SLC38A4: variants seen among roughly 807,000 people sequenced by gnomAD.
SLC38A4 encodes the protein sodium-coupled neutral amino acid transporter 4.
In SLC38A4, 20 loss-of-function variants were observed where a neutral mutation model predicts 63.1. The observed-to-expected ratio is 0.32, with a 90% CI of 0.22 to 0.46. The LOEUF (loss-of-function observed/expected upper bound fraction) is 0.46, where lower values mean the gene tolerates loss of function less well. Among genes scored for constraint, SLC38A4 ranks in the 20% least tolerant of loss-of-function variants. The probability of loss-of-function intolerance (pLI) is 1.00; values close to 1 mark genes in which losing one functional copy is unlikely to be tolerated. For missense variants in SLC38A4, 526 were observed against 663.6 expected, an observed-to-expected ratio of 0.79 and a Z score of 2.28; for synonymous variants, 230 against 225.5, an observed-to-expected ratio of 1.02 and a Z score of -0.18.
At chr12:46,825,394 T>G (rs1053483334) in intron 1 of SLC38A4, among the ~76,000 whole-genome samples, 2 of 151,776 alleles carry the variant, frequency 1.3e-5, no homozygotes, top group Non-Finnish European at 2.9e-5. Context: ...ATGCCAAAAA[T>G]GTGTCAGATA....
chr12:46,774,701 A>T (rs1938488283), intron 14 of SLC38A4, among the ~76,000 whole-genome samples: 1 of 152,048 alleles, frequency 6.6e-6, no homozygotes, highest in South Asian at 2.1e-4. Flanking sequence ...ATTTAATAAG[A>T]TTTGAAAGTT....
chr12:46,815,450 GCA>G (rs1939425423), intron 1 of SLC38A4, among the ~76,000 whole-genome samples: 1 of 150,284 alleles, frequency 6.7e-6, no homozygotes, highest in African/African-American at 2.4e-5. Flanking sequence ...TTTTATTTTT[GCA>G]CAGAGCAGTA....
chr12:46,782,670 T>C (rs1938667043), intron 7 of SLC38A4, among the ~76,000 whole-genome samples: 1 of 151,560 alleles, frequency 6.6e-6, no homozygotes, highest in African/African-American at 2.4e-5. Flanking sequence ...TCCAGAGACA[T>C]GGATATGGAA....
At chr12:46,811,840 A>T (rs1397708452) in intron 1 of SLC38A4, among the ~76,000 whole-genome samples, 1 of 151,718 alleles carries the variant, frequency 6.6e-6, no homozygotes, top group African/African-American at 2.4e-5. Flanking sequence ...GCTTAGGTTC[A>T]TGAAGTATTT....
chr12:46,809,644 A>G (rs1211825877), intron 1 of SLC38A4, among the ~76,000 whole-genome samples: 1 of 152,086 alleles, frequency 6.6e-6, no homozygotes, highest in Non-Finnish European at 1.5e-5. Context: ...TTAGTTAGGA[A>G]TTATAATTCT....
chr12:46,787,597 G>A (rs1938790434), intron 5 of SLC38A4, among the ~76,000 whole-genome samples: 1 of 152,146 alleles, frequency 6.6e-6, no homozygotes, highest in Non-Finnish European at 1.5e-5. Flanking sequence ...AGGGCTCTTA[G>A]GCTTGGTTGC....
Position 46,778,698 on chromosome 12 carries a change from T to A in SLC38A4, c.796A>T (p.Thr266Ser). The A allele has an allele frequency of 6.2e-7, 1 of 1,612,906 alleles. No individual in the cohort carries two copies. Among genetic ancestry groups the A allele is most frequent in the Non-Finnish European group, 8.5e-7 (1 of 1,179,330 alleles). Reference protein sequence around the residue: ...HSVGNLSFNNTLPMHVVMLPN... With the variant: ...HSVGNLSFNNSLPMHVVMLPN... ...AACATTACCACATGCATTGGAAGCG[T>A]GTTGTTGAATGACAGATTTCCAACA... Residue 266 changes from threonine (T) to serine (S), a missense_variant, in exon 11 of 17, where the codon ACG becomes TCG. By Grantham distance (58) the Thr-to-Ser change is moderately conservative. Transcript: ENST00000266579.
At chr12:46,810,911 A>G (rs1164233807) in intron 1 of SLC38A4, among the ~76,000 whole-genome samples, 1 of 152,084 alleles carries the variant, frequency 6.6e-6, no homozygotes, top group Non-Finnish European at 1.5e-5. Context: ...ATGGGCATTT[A>G]TGAGCTATTT....
chr12:46,799,773 A>T (rs556394177), intron 2 of SLC38A4, among the ~76,000 whole-genome samples: 3 of 152,264 alleles, frequency 2.0e-5, no homozygotes, highest in East Asian at 3.9e-4. Context: ...ATTCTGAATC[A>T]TCTGTCTACA....
intron 1 of SLC38A4, among the ~76,000 whole-genome samples, chr12:46,832,099 C>G (rs751286249): frequency 3.3e-5 from 5 of 152,058 alleles, no homozygotes; most frequent in African/African-American, 9.7e-5. Flanking sequence ...CCTGCAATAA[C>G]CCACCCAAAG....
chr12:46,812,354 C>CTGTT (rs1477260316), intron 1 of SLC38A4, among the ~76,000 whole-genome samples: 1 of 152,010 alleles, frequency 6.6e-6, no homozygotes, highest in African/African-American at 2.4e-5. Flanking sequence ...AGGAGCTTCA[C>CTGTT]TGTTTTTGTC....
In SLC38A4 at chr12:46,825,803, T is replaced by A. The variant is rs533454903; in HGVS notation, c.-305+100A>T. 3.9e-5 allele frequency: 6 copies of A among 152,374 alleles called. No homozygotes were observed. The East Asian group carries it at 1.2e-3, about 29-fold the overall frequency. The allele number at this position is 152,374 out of a possible 1,614,324, so 9.4% of individuals were successfully genotyped here. On this transcript the variant is annotated intron_variant, in intron 1 of 16. Coordinates refer to ENST00000266579, the MANE Select transcript of SLC38A4 (RefSeq NM_018018.5). ...CCCTCCCACCCACCTCGTTTTTCAG[T>A]GCTTTGCAGTATGTCTTTTTCTCTT...
intron 1 of SLC38A4, among the ~76,000 whole-genome samples, 151 bp downstream of exon 1, chr12:46,825,752 T>G (rs771215899): frequency 2.0e-5 from 3 of 152,240 alleles, no homozygotes; most frequent in Non-Finnish European, 4.4e-5. Context: ...AAGCAAGGAC[T>G]GCCACAGCCT....
intron 1 of SLC38A4, among the ~76,000 whole-genome samples, chr12:46,824,565 T>C (rs755371563): frequency 6.6e-6 from 1 of 152,162 alleles, no homozygotes; most frequent in Non-Finnish European, 1.5e-5. Context: ...GAATGCTACT[T>C]AGCATGAAAA....
At chr12:46,815,284 T>TACACACAC (rs369027203) in intron 1 of SLC38A4, among the ~76,000 whole-genome samples, 43 of 82,946 alleles carry the variant, frequency 5.2e-4, no homozygotes, top group African/African-American at 8.0e-4. Flanking sequence ...TATATATATA[T>TACACACAC]ACACACACAC....
intron 14 of SLC38A4, among the ~76,000 whole-genome samples, chr12:46,772,169 G>C (rs17097220): frequency 0.047 from 7,051 of 150,530 alleles, 388 homozygotes; most frequent in East Asian, 0.3. Flanking sequence ...TTGTTTAGAC[G>C]TAGCTCACAC....
At position 46,820,791 on chromosome 12, in the gene SLC38A4, C is replaced by A. The variant is rs574405045; in HGVS notation, c.-305+5112G>T. 6.6e-5 allele frequency among the ~76,000 whole-genome samples: 10 copies of A among 152,074 alleles called. No homozygotes were observed. In the South Asian group the frequency reaches 1.9e-3, roughly 28 times the overall value. ...TTGCCTGTACTAATTTATATCCGCA[C>A]CAACAGTGTACAAGTGTTCCCTTTT... On this transcript the variant is annotated intron_variant, in intron 1 of 16. Coordinates refer to ENST00000266579, the MANE Select transcript of SLC38A4 (RefSeq NM_018018.5).
Position 46,775,126 on chromosome 12 carries a change from A to C in SLC38A4, c.1222T>G (p.Leu408Val), listed in dbSNP as rs778030844. ...LLHAYSKVYT[L>V]DIPLLMVRLA... Reference sequence around the variant, plus strand: ...CGAACCATGAGAAGAGGGATGTCTAATGTATACACTTTGCTGTAGGCATGA... The same window carrying C: ...CGAACCATGAGAAGAGGGATGTCTACTGTATACACTTTGCTGTAGGCATGA... Residue 408 changes from leucine (L) to valine (V), a missense_variant, in exon 14 of 17, where the codon TTA becomes GTA. Leu to Val is a conservative substitution (Grantham distance 32). Coordinates refer to ENST00000266579, the MANE Select transcript of SLC38A4 (RefSeq NM_018018.5). 2.5e-6 allele frequency: 4 copies of C among 1,612,780 alleles called. No homozygotes were observed. The highest frequency in any genetic ancestry group is 3.4e-6 in the Non-Finnish European group (4 of 1,179,128).
At chr12:46,785,341 T>A (rs1024036168) in intron 5 of SLC38A4, among the ~76,000 whole-genome samples, 164 bp from the exon 6 acceptor site, 6 of 152,124 alleles carry the variant, frequency 3.9e-5, no homozygotes, top group Admixed American at 3.3e-4. Context: ...ACTCTACACA[T>A]ACCCTTTAAA....
Sources: gnomAD v4.1 joint callset for allele counts (sites outside exome capture counted in the v4.1 genomes callset) on GRCh38, gnomAD v4.1.1 for gene constraint, MANE v1.5 for transcripts, NCBI Gene and HGNC (gene_info 2026-07-23, HGNC 2026-07-21) for gene names.